Variants in PICALM observed in about 807,000 individuals in gnomAD.
PICALM encodes the protein phosphatidylinositol-binding clathrin assembly protein.
In PICALM, 40 loss-of-function variants were observed where a neutral mutation model predicts 80.5. The observed-to-expected ratio is 0.50, with a 90% CI of 0.39 to 0.65. The LOEUF is 0.65. Ranked by LOEUF, PICALM falls within the 30% of genes least tolerant of loss-of-function variation. The pLI is 0.00. For synonymous variants in PICALM, 288 were observed against 260.3 expected (o/e 1.11, Z -1.02); for missense variants, 676 against 778.9 (o/e 0.87, Z 1.57).
At position 86,001,155 on chromosome 11, in the gene PICALM, T is replaced by A; in HGVS notation, c.897A>T (p.Ala299=). The A allele has an allele frequency of 1.2e-6, 2 of 1,612,850 alleles. No homozygotes were observed. Among genetic ancestry groups the A allele is most frequent in the Non-Finnish European group, 1.7e-6 (2 of 1,179,522 alleles). The part of the protein sequence containing the change: ...KIKDSTAASR[A]TTLSNAVSSL... The stretch of plus-strand genomic sequence containing the variant: ...AAGACACTGCATTGGAAAGTGTAGT[T>A]GCCCTAGGATAATTGAACAGAGATA... The change falls in exon 10 of 20, where the codon GCA becomes GCT. Residue 299 remains alanine (A), a synonymous_variant. Coordinates refer to ENST00000393346, the MANE Select transcript of PICALM (RefSeq NM_007166.4).
At chr11:85,978,446 TAAAAG>T (rs1383106333) in intron 17 of PICALM, 1 of 157,218 alleles carries the variant, frequency 6.4e-6, no homozygotes, top group East Asian at 1.8e-4. Context: ...AAGCACTAAT[TAAAAG>T]AATTTGTAGT....
intron 3 of PICALM, chr11:86,023,486 T>C (rs996965977): frequency 1.0e-6 from 1 of 985,098 alleles, no homozygotes; most frequent in Non-Finnish European, 1.2e-6. Context: ...TTCTATCTAC[T>C]ATACCCCATC....
intron 2 of PICALM, 21 bp downstream of exon 2, chr11:86,031,448 T>C (rs1476207836): frequency 1.9e-6 from 3 of 1,594,390 alleles, no homozygotes; most frequent in South Asian, 1.1e-5. Context: ...AGTATACTTG[T>C]TCAATAAAAA....
intron 19 of PICALM, chr11:85,960,789 G>C: frequency 8.3e-7 from 1 of 1,201,618 alleles, no homozygotes; most frequent in Non-Finnish European, 1.1e-6. Context: ...TGGGGGAAAA[G>C]AAGACAGAGA....
chr11:86,039,395 CTG>C (rs905094439), intron 1 of PICALM, among the ~76,000 whole-genome samples: 29 of 152,136 alleles, frequency 1.9e-4, no homozygotes, highest in African/African-American at 6.3e-4. Context: ...CAGTGACACT[CTG>C]TGTCTAAAAA....
chr11:86,053,058 T>G lies in PICALM; in HGVS notation c.130+15593A>C, dbSNP rs4414245. On this transcript the variant is annotated intron_variant, in intron 1 of 19. Coordinates refer to ENST00000393346, the MANE Select transcript of PICALM (RefSeq NM_007166.4). ...ATTTTTAACATCATTTGATCTGTAC[T>G]TATCTCACATTGTCTGGCAATACAG... is the stretch of plus-strand genomic sequence containing the variant. Among the ~76,000 whole-genome samples the G allele has an allele frequency of 5.3e-3, 806 of 152,346 alleles. 4 individuals are homozygous for G. Among genetic ancestry groups the G allele is most frequent in the Non-Finnish European group, 8.7e-3 (594 of 68,022 alleles).
chr11:85,965,963 C>T (rs754927474), intron 19 of PICALM, among the ~76,000 whole-genome samples: 1 of 151,376 alleles, frequency 6.6e-6, no homozygotes, highest in Non-Finnish European at 1.5e-5. Context: ...ACTACAGGTG[C>T]CTGCCACCAC....
At chr11:86,051,614 T>C (rs2096189089) in intron 1 of PICALM, among the ~76,000 whole-genome samples, 1 of 152,132 alleles carries the variant, frequency 6.6e-6, no homozygotes, top group Admixed American at 6.5e-5. Context: ...TGAGCTGACA[T>C]CGCGACACTG....
intron 19 of PICALM, among the ~76,000 whole-genome samples, chr11:85,960,157 GTTCA>G (rs975084569): frequency 3.9e-5 from 6 of 152,048 alleles, no homozygotes; most frequent in African/African-American, 1.2e-4. Flanking sequence ...GGGTACTACT[GTTCA>G]TTCAAAGATA....
At chr11:86,026,465 G>C (rs2095651129) in intron 2 of PICALM, 98 bp from the exon 3 acceptor site, 1 of 654,932 alleles carries the variant, frequency 1.5e-6, no homozygotes, top group Non-Finnish European at 2.7e-6. Context: ...ATTCTATTAA[G>C]CTTATCTAGT....
At chr11:86,005,915 T>C (rs900488203) in intron 8 of PICALM, among the ~76,000 whole-genome samples, 2 of 152,216 alleles carry the variant, frequency 1.3e-5, no homozygotes, top group African/African-American at 2.4e-5. Flanking sequence ...CAAGTTACCT[T>C]TGCTCAGAGA....
At chr11:86,069,179 C>A, upstream of PICALM, 1 of 204,416 alleles carries the variant, frequency 4.9e-6, no homozygotes, top group Non-Finnish European at 1.0e-5. Flanking sequence ...TTCCCCTTCC[C>A]TTTCCTCTTC....
intron 3 of PICALM, among the ~76,000 whole-genome samples, chr11:86,025,439 A>T (rs2095635073): frequency 6.6e-6 from 1 of 151,710 alleles, no homozygotes; most frequent in African/African-American, 2.4e-5. Flanking sequence ...ATATGAAGGA[A>T]CAATTCATCT....
intron 4 of PICALM, among the ~76,000 whole-genome samples, chr11:86,018,262 A>C (rs1041430528): frequency 2.0e-5 from 3 of 152,190 alleles, no homozygotes; most frequent in African/African-American, 7.2e-5. Context: ...ATTCAAAAGG[A>C]AGGGGGAGTG....
intron 1 of PICALM, among the ~76,000 whole-genome samples, chr11:86,032,047 A>T (rs1022270520): frequency 6.6e-6 from 1 of 152,224 alleles, no homozygotes; most frequent in Non-Finnish European, 1.5e-5. Flanking sequence ...AAGAATGAAC[A>T]AAATGAAGAT....
At chr11:86,011,691 C>T (rs936616624) in intron 6 of PICALM, among the ~76,000 whole-genome samples, 16 of 152,086 alleles carry the variant, frequency 1.1e-4, no homozygotes, top group African/African-American at 3.6e-4. Context: ...AGTAAGTCCA[C>T]GTTACTTCAG....
Position 85,958,861 on chromosome 11 carries a change from G to T in PICALM, c.*185C>A. 1 of 500,410 alleles carries T rather than the reference G, an allele frequency of 2.0e-6. No individual in the cohort carries two copies. The allele number at this position is 500,410 out of a possible 1,614,324, so 31.0% of individuals were successfully genotyped here. ...AATTCTTGGCTTTATAAACTGTATTGATACGTTCTCCTATAAACTAGTCCC... is the reference window on the plus strand; with the variant it reads ...AATTCTTGGCTTTATAAACTGTATTTATACGTTCTCCTATAAACTAGTCCC... On this transcript the variant is annotated 3_prime_UTR_variant, in exon 20 of 20. Transcript: ENST00000393346.
chr11:86,008,139 T>C (rs1322150104), intron 7 of PICALM, among the ~76,000 whole-genome samples: 1 of 152,134 alleles, frequency 6.6e-6, no homozygotes, highest in Admixed American at 6.5e-5. Flanking sequence ...CTCAAACCAA[T>C]TCCAATATAC....
intron 4 of PICALM, among the ~76,000 whole-genome samples, chr11:86,017,141 T>G (rs1397657964): frequency 6.6e-6 from 1 of 151,682 alleles, no homozygotes; most frequent in South Asian, 2.1e-4. Flanking sequence ...GAGAATCGCT[T>G]GAATCTGGAA....
Sources: allele counts gnomAD v4.1 joint callset (sites outside exome capture counted in the v4.1 genomes callset), GRCh38; gene constraint gnomAD v4.1.1; transcripts MANE v1.5; gene names NCBI Gene and HGNC (gene_info 2026-07-23, HGNC 2026-07-21).